Variants in CDC42BPG observed in about 807,000 individuals in gnomAD.
CDC42BPG encodes CDC42 binding protein kinase gamma.
Under a neutral mutation model 192.2 loss-of-function variants are expected in CDC42BPG, and 157 were observed. The ratio of observed to expected loss-of-function variants is 0.82; its 90% CI spans 0.72 to 0.93. The LOEUF (loss-of-function observed/expected upper bound fraction) is 0.93, where lower values mean the gene tolerates loss of function less well. CDC42BPG is among the 40% of genes least tolerant of loss of function. CDC42BPG has a pLI of 0.00. For synonymous variants in CDC42BPG, 981 were observed against 918.5 expected, an observed-to-expected ratio of 1.07 and a Z score of -1.23; for missense variants, 1,992 against 2,122.1, an observed-to-expected ratio of 0.94 and a Z score of 1.20.
rs376056254 is a variant in CDC42BPG, at chr11:64,836,420, C to A, written c.1488+7G>T. On this transcript the variant is annotated splice_region_variant and intron_variant, in intron 12 of 36. Transcript: ENST00000342711. ...CCCAGCCCTCACCCACCTCACCCAG[C>A]CCTCACCCGGTGAAGTCGGTCAAGC... 1.7e-5 allele frequency: 28 copies of A among 1,612,574 alleles called. No homozygotes were observed. The African/African-American group carries it at 3.5e-4, about 20-fold the overall frequency.
Position 64,838,846 on chromosome 11 carries a change from C to T in CDC42BPG, c.933G>A (p.Leu311=). The part of the protein sequence containing the change: ...VPDVPASAQD[L]IRQLLCRQEE... Reference sequence around the variant, plus strand: ...CCTGGCGACACAGCAGCTGGCGGATCAGGTCTTGGGCGCTGGCTGGCACGT... The same window carrying T: ...CCTGGCGACACAGCAGCTGGCGGATTAGGTCTTGGGCGCTGGCTGGCACGT... The change falls in exon 8 of 37, where the codon CTG becomes CTA. Residue 311 remains leucine, a synonymous_variant. Coordinates refer to ENST00000342711, the MANE Select transcript of CDC42BPG (RefSeq NM_017525.3). 2 of 1,611,836 alleles carry T rather than the reference C, an allele frequency of 1.2e-6. No individual in the cohort carries two copies. The highest frequency in any genetic ancestry group is 1.7e-6 in the Non-Finnish European group (2 of 1,179,926).
rs763104501 is a variant in CDC42BPG, at chr11:64,839,554, T to C, written c.599A>G (p.Asn200Ser). 3.0e-5 allele frequency: 49 copies of C among 1,612,306 alleles called. No homozygotes were observed. The highest frequency in any genetic ancestry group is 8.8e-5 in the South Asian group (8 of 90,984). The change falls in exon 6 of 37, where the codon AAC (asparagine) becomes AGC (serine). Residue 200 changes from asparagine (N) to serine (S), a missense_variant. Transcript: ENST00000342711. ...GTGCCCGTTCACATCCAGCAGGACG[T>C]TGTCTGGCTTGACATCCCTGGGGGA... ...GYVHRDVKPD[N>S]VLLDVNGHIR...
At chr11:64,835,682 A>G (rs1942951208) in intron 14 of CDC42BPG, 61 bp from the exon 15 acceptor site, 3 of 1,594,790 alleles carry the variant, frequency 1.9e-6, no homozygotes, top group Non-Finnish European at 1.7e-6. Flanking sequence ...CCCACCTGGG[A>G]CACAGGCCTG....
rs759827530 is a variant in CDC42BPG, at chr11:64,827,525, A to C, written c.4150+2T>G. The C allele has an allele frequency of 1.2e-6, 2 of 1,610,070 alleles. No individual in the cohort carries two copies. Among genetic ancestry groups the C allele is most frequent in the South Asian group, 2.2e-5 (2 of 90,916 alleles). On this transcript the variant is annotated splice_donor_variant, in intron 32 of 36. Transcript: ENST00000342711. LOFTEE classifies it high-confidence loss of function. ...CACACCCGTACACACGCACTCCCTC[A>C]CCTGCCAGCTGGTTCCTGAGGTAGG...
At position 64,827,630 on chromosome 11, in the gene CDC42BPG, C is replaced by G. The variant is rs374554033; in HGVS notation, c.4066-19G>C. On this transcript the variant is annotated intron_variant, in intron 31 of 36. Transcript: ENST00000342711. ...GCCGCACCTGAGGCAGCAGGCACAGCGGTCAGGCCACGCCTCCACCCCCGG... is the reference window on the plus strand; with the variant it reads ...GCCGCACCTGAGGCAGCAGGCACAGGGGTCAGGCCACGCCTCCACCCCCGG... The G allele has an allele frequency of 6.2e-7, 1 of 1,605,772 alleles. No homozygotes were observed. The highest frequency in any genetic ancestry group is 8.5e-7 in the Non-Finnish European group (1 of 1,174,264).
At position 64,829,703 on chromosome 11, in the gene CDC42BPG, G is replaced by T; in HGVS notation, c.3735C>A (p.Gly1245=). Residue 1245 remains glycine, a synonymous_variant, in exon 30 of 37, where the codon GGC becomes GGA. Transcript: ENST00000342711. ...GDRLCVGAAG[G]FALYPLLNEA... ...CGTTGAGCAGCGGGTAGAGTGCAAA[G>T]CCACCGGCGGCGCCCACACATAGCC... 1 of 1,610,686 alleles carries T rather than the reference G, an allele frequency of 6.2e-7. No individual in the cohort carries two copies. Among genetic ancestry groups the T allele is most frequent in the Non-Finnish European group, 8.5e-7 (1 of 1,179,146 alleles).
rs774466506 is a variant in CDC42BPG at position 64,838,160 on chromosome 11, C to G, written c.1128G>C (p.Gly376=). Residue 376 remains glycine, a splice_region_variant and synonymous_variant, in exon 9 of 37, where the codon GGG becomes GGC. Coordinates refer to ENST00000342711, the MANE Select transcript of CDC42BPG (RefSeq NM_017525.3). ...CCCCGTGGGAGGGCGGTGGCAGGGT[C>G]CCCTGCAGAGGGAGAGGGAAGGAGA... ...DVDDDTLNHP[G]TLPPPSHGAF... 1.6e-5 allele frequency: 25 copies of G among 1,551,448 alleles called. No individual in the cohort carries two copies. In the South Asian group the frequency reaches 2.7e-4, roughly 17 times the overall value.
rs770534120 is a variant in CDC42BPG, at chr11:64,831,653, C to T, written c.3156G>A (p.Gly1052=). The change falls in exon 28 of 37, where the codon GGG becomes GGA. Residue 1052 remains glycine (G), a synonymous_variant. Coordinates refer to ENST00000342711, the MANE Select transcript of CDC42BPG (RefSeq NM_017525.3). ...GCACCTGCAGCCAGCGTTCCCGCTCCCCCTCGCTCTCTGCCAGCAGCAGCA... is the reference window on the plus strand; with the variant it reads ...GCACCTGCAGCCAGCGTTCCCGCTCTCCCTCGCTCTCTGCCAGCAGCAGCA... ...CTVLLLAESE[G]ERERWLQVLG... 3.7e-6 allele frequency: 6 copies of T among 1,610,594 alleles called. No individual in the cohort carries two copies. The highest frequency in any genetic ancestry group is 4.2e-6 in the Non-Finnish European group (5 of 1,179,736).
chr11:64,835,513 C>T lies in CDC42BPG; in HGVS notation c.1867G>A (p.Ala623Thr). The T allele has an allele frequency of 6.3e-7, 1 of 1,599,812 alleles. No individual in the cohort carries two copies. Among genetic ancestry groups the T allele is most frequent in the East Asian group, 2.2e-5 (1 of 44,772 alleles). Reference sequence around the variant, plus strand: ...TGCCTGGCTCACCTGTGGCTGTGGGCCTGCTCCAGCTGCTCTCGCAGGGCG... The same window carrying T: ...TGCCTGGCTCACCTGTGGCTGTGGGTCTGCTCCAGCTGCTCTCGCAGGGCG... ...VAALREQLEQ[A>T]HSHRPSGKEE... is the part of the protein sequence containing the mutation. The change falls in exon 15 of 37, where the codon GCC becomes ACC. Residue 623 changes from alanine to threonine, a missense_variant. This residue lies in a region of CDC42BPG where 1,656 missense variants were observed against 1,844.3 expected (regional missense o/e 0.90). Transcript: ENST00000342711.
chr11:64,835,017 T>TTGGCC, intron 17 of CDC42BPG, 30 bp downstream of exon 17: 125 of 1,571,254 alleles, frequency 8.0e-5, no homozygotes, highest in Middle Eastern at 1.7e-4. Context: ...TCGCCTGCGT[T>TTGGCC]CCCCACCCCG....
At position 64,832,647 on chromosome 11, in the gene CDC42BPG, G is replaced by A. The variant is rs1942751855; in HGVS notation, c.2962C>T (p.Leu988Phe). Residue 988 changes from leucine to phenylalanine, a missense_variant, in exon 26 of 37, where the codon CTC (leucine) becomes TTC (phenylalanine). Physicochemically the swap from Leu to Phe is conservative, Grantham distance 22 (BLOSUM62 0). Transcript: ENST00000342711. ...LLLFDAPDLR[L>F]SPPSGALLQV... Reference sequence around the variant, plus strand: ...AGGAGGGCCCCACTGGGCGGGCTGAGCCTCAGGTCAGGGGCGTCAAACAGC... The same window carrying A: ...AGGAGGGCCCCACTGGGCGGGCTGAACCTCAGGTCAGGGGCGTCAAACAGC... 1 of 1,613,698 alleles carries A rather than the reference G, an allele frequency of 6.2e-7. No homozygotes were observed. The highest frequency in any genetic ancestry group is 8.5e-7 in the Non-Finnish European group (1 of 1,180,010).
rs1241317231 is a variant in CDC42BPG, at chr11:64,833,240, C to T, written c.2722G>A (p.Gly908Ser). 1 of 1,548,928 alleles carries T rather than the reference C, an allele frequency of 6.5e-7. No homozygotes were observed. The highest frequency in any genetic ancestry group is 8.7e-7 in the Non-Finnish European group (1 of 1,146,222). The change falls in exon 24 of 37, where the codon GGT becomes AGT. Residue 908 changes from glycine to serine, a missense_variant. Gly to Ser is a moderately conservative substitution (Grantham distance 56, BLOSUM62 0). Transcript: ENST00000342711. Reference protein sequence around the residue: ...LMLGLGRQGLGCDACGYFCHT... With the variant: ...LMLGLGRQGLSCDACGYFCHT... Reference sequence around the variant, plus strand: ...GGGTGGGGACTCTCACCATCACAACCCAGGCCCTGGCGGCCCAGGCCCAGC... The same window carrying T: ...GGGTGGGGACTCTCACCATCACAACTCAGGCCCTGGCGGCCCAGGCCCAGC...
chr11:64,826,719 G>C lies in CDC42BPG; in HGVS notation c.4465C>G (p.Arg1489Gly). Residue 1489 changes from arginine to glycine, a missense_variant, in exon 35 of 37, where the codon CGC (arginine) becomes GGC (glycine). By Grantham distance (125) the Arg-to-Gly change is moderately radical. Transcript: ENST00000342711. ...RPHSFSEALRRPASMGSEGLG... is the reference protein window; with the variant it reads ...RPHSFSEALRGPASMGSEGLG... ...CCTTCGCTGCCCATGGAGGCTGGGC[G>C]CCGCAACGCCTCGGAGAAGCTGTGG... is the stretch of plus-strand genomic sequence containing the variant. 5 of 1,551,404 alleles carry C rather than the reference G, an allele frequency of 3.2e-6. No individual in the cohort carries two copies. Among genetic ancestry groups the C allele is most frequent in the South Asian group, 2.4e-5 (2 of 84,020 alleles).
rs1555173141 is a variant in CDC42BPG at position 64,836,711 on chromosome 11, G to GGGGGC, written c.1384+27_1384+28insGCCCC. ...GCCCAGGTGGGACTCAGCCCTGGGGGGGGGGGGGGGGTGGGCGGAAGGGAT... is the reference window on the plus strand; with the variant it reads ...GCCCAGGTGGGACTCAGCCCTGGGGGGGGGCGGGGGGGGGGGTGGGCGGAAGGGAT... On this transcript the variant is annotated intron_variant, in intron 11 of 36. Transcript: ENST00000342711. 1.2e-5 allele frequency: 7 copies of GGGGGC among 608,652 alleles called. 1 individual carries two copies. The highest frequency in any genetic ancestry group is 1.7e-5 in the Non-Finnish European group (7 of 406,104). 37.7% of individuals were successfully genotyped at this position (608,652 alleles called of 1,614,324 possible). A position where few individuals can be genotyped will look rare whatever the true frequency, so the allele number is the denominator to read the frequency against.
chr11:64,844,314 TG>T, intron 1 of CDC42BPG, 95 bp downstream of exon 1: 3 of 1,184,200 alleles, frequency 2.5e-6, no homozygotes, highest in Non-Finnish European at 3.3e-6. Context: ...GGGAAGCCCG[TG>T]GGGGTGCGGG....
At position 64,827,221 on chromosome 11, in the gene CDC42BPG, C is replaced by T. The variant is rs373974106; in HGVS notation, c.4272-54G>A. ...GCGAAGCTCCACCCTCCCTTCGACC[C>T]GTCCACAAGCGGAGGCGGCCCCACC... is the stretch of plus-strand genomic sequence containing the variant. On this transcript the variant is annotated intron_variant, in intron 33 of 36. Transcript: ENST00000342711. 2.9e-4 allele frequency: 467 copies of T among 1,613,374 alleles called. 1 individual carries two copies. The African/African-American group carries it at 3.5e-3, about 12-fold the overall frequency.
intron 30 of CDC42BPG, among the ~76,000 whole-genome samples, chr11:64,829,095 C>A (rs1038186413): frequency 3.3e-5 from 5 of 152,164 alleles, no homozygotes; most frequent in African/African-American, 1.2e-4. Context: ...TGGCACACAC[C>A]TGTGCCCCCA....
At chr11:64,834,616 G>A (rs530735843) in intron 18 of CDC42BPG, 39 bp from the exon 19 acceptor site, 2 of 1,502,558 alleles carry the variant, frequency 1.3e-6, no homozygotes, top group Admixed American at 2.3e-5. Flanking sequence ...TGCTTTCTAG[G>A]CCTGGCTGCC....
chr11:64,830,376 C>T (rs767990358), intron 28 of CDC42BPG, 120 bp from the exon 29 acceptor site: 12 of 857,832 alleles, frequency 1.4e-5, no homozygotes, highest in African/African-American at 8.3e-5. Context: ...GCAATAATCC[C>T]GCTGTCCCTG....
Sources: allele counts gnomAD v4.1 joint callset (sites outside exome capture counted in the v4.1 genomes callset), GRCh38; gene constraint gnomAD v4.1.1; regional missense constraint gnomAD v4.1.1; transcripts MANE v1.5; gene names NCBI Gene and HGNC (gene_info 2026-07-23, HGNC 2026-07-21).